Variants in SLC8A1 observed in about 807,000 individuals in gnomAD.
SLC8A1 encodes sodium/calcium exchanger 1.
In SLC8A1, 18 loss-of-function variants were observed where a neutral mutation model predicts 68.3. The ratio of observed to expected loss-of-function variants is 0.26; its 90% CI spans 0.18 to 0.39. The LOEUF is 0.39. Ranked by LOEUF, SLC8A1 falls within the 10% of genes least tolerant of loss-of-function variation. The pLI is 1.00. For missense variants in SLC8A1, 985 were observed against 1,156.7 expected (o/e 0.85, Z 2.15); for synonymous variants, 475 against 415.5 (o/e 1.14, Z -1.74).
At chr2:40,413,016 A>C (rs766321053) in intron 2 of SLC8A1, among the ~76,000 whole-genome samples, 1 of 152,134 alleles carries the variant, frequency 6.6e-6, no homozygotes, top group Non-Finnish European at 1.5e-5. Flanking sequence ...CTTGTCATTT[A>C]GCATCAGGTA....
At chr2:40,227,378 C>T (rs1414500230) in intron 2 of SLC8A1, among the ~76,000 whole-genome samples, 1 of 152,002 alleles carries the variant, frequency 6.6e-6, no homozygotes, top group African/African-American at 2.4e-5. Flanking sequence ...TTTCTTTATA[C>T]CCTAGTCATA....
intron 2 of SLC8A1, among the ~76,000 whole-genome samples, chr2:40,354,005 T>C (rs1443779849): frequency 6.6e-6 from 1 of 152,214 alleles, no homozygotes; most frequent in Non-Finnish European, 1.5e-5. Context: ...AGGTTGAACA[T>C]TATACACAAG....
chr2:40,413,795 T>G (rs1416017655), intron 2 of SLC8A1, among the ~76,000 whole-genome samples: 1 of 152,184 alleles, frequency 6.6e-6, no homozygotes, highest in Non-Finnish European at 1.5e-5. Context: ...AGGCAAATTT[T>G]TATATTTACT....
intron 2 of SLC8A1, among the ~76,000 whole-genome samples, chr2:40,386,243 G>A (rs1478923908): frequency 6.6e-6 from 1 of 151,322 alleles, no homozygotes; most frequent in Non-Finnish European, 1.5e-5. Flanking sequence ...TACAGCTGGA[G>A]ATAATTTATA....
chr2:40,376,476 A>G (rs1430605319), intron 2 of SLC8A1, among the ~76,000 whole-genome samples: 1 of 152,118 alleles, frequency 6.6e-6, no homozygotes, highest in Non-Finnish European at 1.5e-5. Flanking sequence ...AGACATTGTA[A>G]ATCTGAGGAG....
chr2:40,173,586 T>C lies in SLC8A1; in HGVS notation c.1930+1239A>G, dbSNP rs183842478. On this transcript the variant is annotated intron_variant, in intron 4 of 7. Coordinates refer to ENST00000406785, the Ensembl canonical transcript of SLC8A1. ...AAATTCTACTTCGGACAGAATCACA[T>C]TGGAATTGCTTGTTCATGAGTTTAC... Among the ~76,000 whole-genome samples, 87 of 152,324 alleles carry C rather than the reference T, an allele frequency of 5.7e-4. 2 individuals are homozygous for C. Among genetic ancestry groups the C allele is most frequent in the African/African-American group, 2.0e-3 (83 of 41,562 alleles).
chr2:40,243,982 T>C (rs879634715), intron 2 of SLC8A1, among the ~76,000 whole-genome samples: 1 of 152,100 alleles, frequency 6.6e-6, no homozygotes, highest in African/African-American at 2.4e-5. Flanking sequence ...GACTGTGACA[T>C]TTCTGAGTAA....
intron 2 of SLC8A1, among the ~76,000 whole-genome samples, chr2:40,425,601 G>A (rs138906084): frequency 1.4e-4 from 22 of 151,776 alleles, no homozygotes; most frequent in Non-Finnish European, 2.7e-4. Flanking sequence ...GCTTGGTGGC[G>A]CCATCAGCCA....
chr2:40,443,714 TCTA>T (rs1700930228), intron 1 of SLC8A1, among the ~76,000 whole-genome samples: 1 of 152,228 alleles, frequency 6.6e-6, no homozygotes, highest in Non-Finnish European at 1.5e-5. Flanking sequence ...TGGTCTCAGC[TCTA>T]CTGACCAGTC....
chr2:40,486,471 C>G (rs914449331), intron 1 of SLC8A1, among the ~76,000 whole-genome samples: 2 of 152,292 alleles, frequency 1.3e-5, no homozygotes, highest in South Asian at 4.1e-4. Flanking sequence ...TACCCTGAAA[C>G]ACAATTCTGC....
chr2:40,462,088 G>A (rs2149894247), intron 1 of SLC8A1, among the ~76,000 whole-genome samples: 1 of 137,908 alleles, frequency 7.3e-6, no homozygotes, highest in Admixed American at 8.3e-5. Flanking sequence ...CTCACTGCAA[G>A]CTCCAGCTCC....
exon 2 of SLC8A1, chr2:40,428,647 G>T (rs146455378): frequency 1.2e-6 from 2 of 1,613,738 alleles, no homozygotes; most frequent in South Asian, 1.1e-5. Context: ...ATGAGTCACA[G>T]GTTCCTCAAA....
At chr2:40,108,494 G>A (rs1040256661) in exon 8 of SLC8A1, 4 of 151,922 alleles carry the variant, frequency 2.6e-5, no homozygotes, top group South Asian at 2.1e-4. Flanking sequence ...TTTTAAATAC[G>A]CTCTTATTCT....
At chr2:40,227,551 C>G (rs933802052) in intron 2 of SLC8A1, among the ~76,000 whole-genome samples, 3 of 151,918 alleles carry the variant, frequency 2.0e-5, no homozygotes, top group African/African-American at 7.3e-5. Flanking sequence ...ACAACACATA[C>G]TGGGGTCTTT....
chr2:40,108,869 CTTGTT>C (rs2125046843), exon 8 of SLC8A1: 1 of 152,198 alleles, frequency 6.6e-6, no homozygotes, highest in South Asian at 2.1e-4. Flanking sequence ...TAATTCATCT[CTTGTT>C]TTACTATGTG....
intron 2 of SLC8A1, among the ~76,000 whole-genome samples, chr2:40,396,417 C>T (rs1243035476): frequency 6.6e-6 from 1 of 152,006 alleles, no homozygotes; most frequent in Non-Finnish European, 1.5e-5. Context: ...AATTCTGCTG[C>T]CAGTAATAAT....
At chr2:40,172,865 C>G (rs2047757754) in intron 4 of SLC8A1, among the ~76,000 whole-genome samples, 1 of 152,102 alleles carries the variant, frequency 6.6e-6, no homozygotes, top group Non-Finnish European at 1.5e-5. Flanking sequence ...TCGCTTGAAC[C>G]CTGGAGGTGG....
At chr2:40,307,957 A>C (rs184314287) in intron 2 of SLC8A1, among the ~76,000 whole-genome samples, 152 of 152,320 alleles carry the variant, frequency 1.0e-3, no homozygotes, top group East Asian at 4.8e-3. Flanking sequence ...CAGGAGAAGA[A>C]GACCTGCTAA....
intron 1 of SLC8A1, among the ~76,000 whole-genome samples, chr2:40,448,134 G>C (rs942569911): frequency 2.0e-5 from 3 of 149,782 alleles, no homozygotes; most frequent in African/African-American, 7.7e-5. Context: ...AAATACATCA[G>C]AAAATGGACT....
Sources: gnomAD v4.1 joint callset for allele counts (sites outside exome capture counted in the v4.1 genomes callset) on GRCh38, gnomAD v4.1.1 for gene constraint, MANE v1.5 for transcripts, NCBI Gene and HGNC (gene_info 2026-07-23, HGNC 2026-07-21) for gene names.